Variants in ZNF385B observed in about 807,000 individuals in gnomAD.
ZNF385B encodes zinc finger protein 533.
In ZNF385B, 23 loss-of-function variants were observed where a neutral mutation model predicts 39.2. The ratio of observed to expected loss-of-function variants is 0.59; its 90% CI spans 0.42 to 0.83. The LOEUF is 0.83. Among genes scored for constraint, ZNF385B ranks in the 40% least tolerant of loss-of-function variants. The pLI, the probability that ZNF385B is intolerant of heterozygous loss-of-function variation, is 0.00. For missense variants in ZNF385B, 552 were observed against 598.9 expected, an observed-to-expected ratio of 0.92 and a Z score of 0.82; for synonymous variants, 205 against 222.6, an observed-to-expected ratio of 0.92 and a Z score of 0.70.
chr2:179,580,558 G>A (rs1399231942), intron 3 of ZNF385B, among the ~76,000 whole-genome samples: 1 of 152,110 alleles, frequency 6.6e-6, no homozygotes, highest in Non-Finnish European at 1.5e-5. Flanking sequence ...ACGTGATAAA[G>A]GTCAAATGAG....
intron 3 of ZNF385B, among the ~76,000 whole-genome samples, chr2:179,706,612 C>T (rs149230928): frequency 1.2e-3 from 184 of 152,228 alleles, no homozygotes; most frequent in African/African-American, 3.9e-3. Flanking sequence ...TGGTTCCCAC[C>T]GCATGAGTAC....
chr2:179,548,800 C>T (rs1482983836), intron 3 of ZNF385B, among the ~76,000 whole-genome samples: 1 of 149,344 alleles, frequency 6.7e-6, no homozygotes, highest in Admixed American at 6.7e-5. Context: ...ATTCAATTAC[C>T]TCCCACCAGG....
chr2:179,518,750 AC>A, intron 4 of ZNF385B, 112 bp from the exon 5 acceptor site: 1 of 577,186 alleles, frequency 1.7e-6, no homozygotes, highest in Admixed American at 3.5e-5. Flanking sequence ...TAGTTCCTAA[AC>A]AAAGATAATA....
chr2:179,616,872 T>C (rs921662593), intron 3 of ZNF385B, among the ~76,000 whole-genome samples: 3 of 152,060 alleles, frequency 2.0e-5, no homozygotes, highest in Admixed American at 2.0e-4. Context: ...AATCAATCAG[T>C]TTTTATTGTA....
chr2:179,721,143 T>C (rs1700675085), intron 3 of ZNF385B, among the ~76,000 whole-genome samples: 1 of 151,884 alleles, frequency 6.6e-6, no homozygotes, highest in Non-Finnish European at 1.5e-5. Flanking sequence ...AGGTAAGTAA[T>C]GATAAAATTT....
intron 3 of ZNF385B, among the ~76,000 whole-genome samples, chr2:179,714,488 G>T (rs558363932): frequency 6.6e-6 from 1 of 152,276 alleles, no homozygotes; most frequent in Admixed American, 6.5e-5. Flanking sequence ...AGGAAAGGCA[G>T]ATCTGGGCAA....
chr2:179,751,264 T>G (rs1702656222), intron 3 of ZNF385B, among the ~76,000 whole-genome samples: 1 of 143,204 alleles, frequency 7.0e-6, no homozygotes, highest in South Asian at 2.3e-4. Context: ...TGTCCACACA[T>G]CCTCACTCCT....
chr2:179,741,721 C>A (rs913805145), intron 3 of ZNF385B, among the ~76,000 whole-genome samples: 1 of 152,024 alleles, frequency 6.6e-6, no homozygotes, highest in African/African-American at 2.4e-5. Context: ...TCATATGAGG[C>A]ACACAGTAGG....
intron 3 of ZNF385B, among the ~76,000 whole-genome samples, chr2:179,572,611 A>G (rs1685354355): frequency 1.3e-5 from 2 of 152,162 alleles, no homozygotes. Flanking sequence ...CTAATATCCA[A>G]TGGACTATTC....
rs142693733 is a variant in ZNF385B, at chr2:179,708,063, T to A, written c.298+61440A>T. On this transcript the variant is annotated intron_variant, in intron 3 of 9. Coordinates refer to ENST00000410066, the MANE Select transcript of ZNF385B (RefSeq NM_152520.6). ...GCCACAGGTGGAACTAGCTACATAT[T>A]GGTCACCTAAGAATAGGCAGATTGT... is the stretch of plus-strand genomic sequence containing the variant. 1.7e-3 allele frequency among the ~76,000 whole-genome samples: 262 copies of A among 152,310 alleles called. 1 individual carries two copies. Among genetic ancestry groups the A allele is most frequent in the Middle Eastern group, 6.8e-3 (2 of 294 alleles).
At chr2:179,674,088 A>C (rs1023530394) in intron 3 of ZNF385B, among the ~76,000 whole-genome samples, 1 of 152,210 alleles carries the variant, frequency 6.6e-6, no homozygotes, top group African/African-American at 2.4e-5. Flanking sequence ...GGCCAGGGAC[A>C]ACTTGCAATG....
intron 5 of ZNF385B, chr2:179,514,375 C>T (rs1559379741): frequency 6.6e-6 from 1 of 152,204 alleles, no homozygotes; most frequent in Non-Finnish European, 1.5e-5. Flanking sequence ...CCAGGACAAT[C>T]CTTTTATCAT....
intron 3 of ZNF385B, among the ~76,000 whole-genome samples, chr2:179,686,163 G>C (rs190979241): frequency 6.6e-6 from 1 of 152,142 alleles, no homozygotes; most frequent in Non-Finnish European, 1.5e-5. Context: ...CCCTTTACTT[G>C]AGCACTAACC....
chr2:179,686,968 T>TG (rs1697973234), intron 3 of ZNF385B, among the ~76,000 whole-genome samples: 1 of 151,192 alleles, frequency 6.6e-6, no homozygotes, highest in African/African-American at 2.4e-5. Context: ...TGTACTGTTT[T>TG]TTTTTTTTTC....
intron 3 of ZNF385B, among the ~76,000 whole-genome samples, chr2:179,574,511 A>G (rs1685586256): frequency 6.6e-6 from 1 of 152,200 alleles, no homozygotes. Context: ...ATCTCTGAAT[A>G]AACAATGATA....
chr2:179,535,407 G>T (rs980764514), intron 4 of ZNF385B, among the ~76,000 whole-genome samples: 2 of 152,190 alleles, frequency 1.3e-5, no homozygotes, highest in Non-Finnish European at 2.9e-5. Flanking sequence ...TTAAGTTCAA[G>T]ATATAGTATG....
chr2:179,632,650 G>A (rs1292019174), intron 3 of ZNF385B, among the ~76,000 whole-genome samples: 4 of 152,100 alleles, frequency 2.6e-5, no homozygotes, highest in African/African-American at 7.2e-5. Flanking sequence ...AACTAGAGAA[G>A]CAAGAGCAAA....
At chr2:179,516,266 C>A (rs2058083650) in intron 5 of ZNF385B, among the ~76,000 whole-genome samples, 1 of 152,088 alleles carries the variant, frequency 6.6e-6, no homozygotes, top group Admixed American at 6.6e-5. Context: ...TATATGTTTT[C>A]ATTTGCCTTG....
intron 3 of ZNF385B, among the ~76,000 whole-genome samples, chr2:179,663,487 G>A (rs1200121619): frequency 6.6e-6 from 1 of 152,086 alleles, no homozygotes; most frequent in African/African-American, 2.4e-5. Context: ...GAGGCAGGCG[G>A]ATCATGAGGT....
Sources: allele counts gnomAD v4.1 joint callset (sites outside exome capture counted in the v4.1 genomes callset), GRCh38; gene constraint gnomAD v4.1.1; transcripts MANE v1.5; gene names NCBI Gene and HGNC (gene_info 2026-07-23, HGNC 2026-07-21).